UHRF2: variants seen among roughly 807,000 people sequenced by gnomAD.
The protein encoded by UHRF2 is E3 ubiquitin-protein ligase UHRF2.
UHRF2 carries 23 observed loss-of-function variants against 96.8 expected under a neutral mutation model. The ratio of observed to expected loss-of-function variants is 0.24; its 90% CI spans 0.17 to 0.34. The LOEUF is 0.34. Among genes scored for constraint, UHRF2 ranks in the 10% least tolerant of loss-of-function variants. The probability of loss-of-function intolerance (pLI) is 1.00; values close to 1 mark genes in which losing one functional copy is unlikely to be tolerated. For missense variants in UHRF2, 685 were observed against 981.5 expected, an observed-to-expected ratio of 0.70 and a Z score of 4.04; for synonymous variants, 385 against 332.6, an observed-to-expected ratio of 1.16 and a Z score of -1.72.
intron 14 of UHRF2, among the ~76,000 whole-genome samples, chr9:6,501,194 T>A (rs564379571): frequency 6.6e-6 from 1 of 152,268 alleles, no homozygotes; most frequent in Non-Finnish European, 1.5e-5. Context: ...AATTTTAAAG[T>A]AAAAAGGAAT....
intron 1 of UHRF2, 188 bp downstream of exon 1, chr9:6,413,831 T>G: frequency 3.1e-6 from 2 of 650,494 alleles, no homozygotes; most frequent in Non-Finnish European, 4.5e-6. Context: ...AGTGGGTCCC[T>G]GCCAGCCCCA....
At chr9:6,488,110 G>T (rs1824418053) in intron 9 of UHRF2, among the ~76,000 whole-genome samples, 1 of 151,578 alleles carries the variant, frequency 6.6e-6, no homozygotes, top group Non-Finnish European at 1.5e-5. Context: ...GGGTGTGGTG[G>T]CATGTGCCTG....
chr9:6,434,321 C>T, intron 3 of UHRF2, 148 bp downstream of exon 3: 1 of 970,724 alleles, frequency 1.0e-6, no homozygotes, highest in South Asian at 1.9e-5. Flanking sequence ...GGTGGTTGTA[C>T]TCTAATTTAA....
rs1171172143 is a variant in UHRF2 at position 6,428,533 on chromosome 9, CTTTTTTTTTTTTTTTTTTTTTTTTT to C, written c.385-5367_385-5343del. Among the ~76,000 whole-genome samples, 16 of 65,360 alleles carry C rather than the reference CTTTTTTTTTTTTTTTTTTTTTTTTT, an allele frequency of 2.4e-4. 1 individual carries two copies. The highest frequency in any genetic ancestry group is 2.4e-3 in the East Asian group (4 of 1,672). 42.9% of individuals were successfully genotyped at this position (65,360 alleles called of 152,430 possible). A position where few individuals can be genotyped will look rare whatever the true frequency, so the allele number is the denominator to read the frequency against. On this transcript the variant is annotated intron_variant, in intron 2 of 15. Transcript: ENST00000276893. ...TGTAAATGGAACCATATTGCTTTTG[CTTTTTTTTTTTTTTTTTTTTTTTTT>C]TTTTTTTTTTTTTGAACGATCTCAT...
intron 3 of UHRF2, among the ~76,000 whole-genome samples, chr9:6,457,637 A>G (rs1341321818): frequency 5.3e-5 from 8 of 152,220 alleles, no homozygotes; most frequent in Admixed American, 5.2e-4. Context: ...GATATTGGCT[A>G]TGGGTTTGTC....
chr9:6,506,961 G>C lies in UHRF2; in HGVS notation c.*782G>C, dbSNP rs555826371. 2.0e-5 allele frequency: 3 copies of C among 152,710 alleles called. No homozygotes were observed. The South Asian group carries it at 6.2e-4, about 32-fold the overall frequency. 9.5% of individuals were successfully genotyped at this position (152,710 alleles called of 1,614,324 possible). A position where few individuals can be genotyped will look rare whatever the true frequency, so the allele number is the denominator to read the frequency against. ...TTTTGAGGGCTGTGCTGACCTTTGA[G>C]AGGATTTGAAATTGCTTCATATTGT... On this transcript the variant is annotated 3_prime_UTR_variant, in exon 16 of 16. Coordinates refer to ENST00000276893, the MANE Select transcript of UHRF2 (RefSeq NM_152896.3).
chr9:6,487,182 CTTTTTTTT>C (rs1171978950), intron 9 of UHRF2, among the ~76,000 whole-genome samples: 4 of 69,578 alleles, frequency 5.7e-5, no homozygotes, highest in South Asian at 6.7e-4. Flanking sequence ...TTTTTTTTTC[CTTTTTTTT>C]TTTTTTTTTT....
At chr9:6,453,888 G>C (rs1822017175) in intron 3 of UHRF2, among the ~76,000 whole-genome samples, 1 of 152,122 alleles carries the variant, frequency 6.6e-6, no homozygotes, top group Non-Finnish European at 1.5e-5. Context: ...CTGGGCAACA[G>C]AGTAAGACTC....
intron 2 of UHRF2, among the ~76,000 whole-genome samples, chr9:6,427,051 A>G (rs923565445): frequency 3.9e-5 from 6 of 152,146 alleles, no homozygotes; most frequent in Non-Finnish European, 8.8e-5. Context: ...CCTGGCTTGA[A>G]TTAGTTTGTT....
chr9:6,461,403 T>C (rs1563775210), intron 4 of UHRF2, among the ~76,000 whole-genome samples: 2 of 113,714 alleles, frequency 1.8e-5, no homozygotes. Flanking sequence ...CCCCGCCCCT[T>C]GTTCTGTCAC....
At chr9:6,428,533 C>CTATTTTTTTTTT (rs1820383586) in intron 2 of UHRF2, among the ~76,000 whole-genome samples, 1 of 65,358 alleles carries the variant, frequency 1.5e-5, no homozygotes, top group East Asian at 6.0e-4. Context: ...ATTGCTTTTG[C>CTATTTTTTTTTT]TTTTTTTTTT....
chr9:6,424,132 T>TA (rs1820102052), intron 2 of UHRF2, among the ~76,000 whole-genome samples: 1 of 151,916 alleles, frequency 6.6e-6, no homozygotes, highest in African/African-American at 2.4e-5. Context: ...GAGAACAAAA[T>TA]AAAGTGTAAA....
At chr9:6,425,014 A>G (rs1396303514) in intron 2 of UHRF2, among the ~76,000 whole-genome samples, 2 of 152,126 alleles carry the variant, frequency 1.3e-5, no homozygotes, top group Non-Finnish European at 2.9e-5. Context: ...TGTGAACCTT[A>G]ATCATCTGGC....
intron 1 of UHRF2, among the ~76,000 whole-genome samples, chr9:6,417,206 CATT>C (rs1279009745): frequency 6.6e-6 from 1 of 152,176 alleles, no homozygotes; most frequent in African/African-American, 2.4e-5. Context: ...TCCCTTGCAT[CATT>C]GTTGCAGTTC....
intron 8 of UHRF2, 91 bp from the exon 9 acceptor site, chr9:6,486,730 C>A (rs1008367888): frequency 1.6e-6 from 2 of 1,250,296 alleles, no homozygotes; most frequent in Non-Finnish European, 2.2e-6. Context: ...CTTCTTGGGT[C>A]TTTAGGTACC....
chr9:6,444,206 C>T (rs1236549322), intron 3 of UHRF2, among the ~76,000 whole-genome samples: 2 of 152,204 alleles, frequency 1.3e-5, no homozygotes, highest in African/African-American at 4.8e-5. Flanking sequence ...TGTTTAATTT[C>T]AGAACCCTGG....
intron 1 of UHRF2, among the ~76,000 whole-genome samples, chr9:6,416,280 T>C (rs1819594682): frequency 6.6e-6 from 1 of 152,068 alleles, no homozygotes; most frequent in African/African-American, 2.4e-5. Context: ...GACACGATGG[T>C]CTCTATCTAG....
At chr9:6,480,506 T>C (rs898833751) in intron 6 of UHRF2, among the ~76,000 whole-genome samples, 31 of 152,242 alleles carry the variant, frequency 2.0e-4, no homozygotes, top group African/African-American at 7.0e-4. Flanking sequence ...AATATATCTC[T>C]ACATTCGTAT....
chr9:6,431,665 A>T (rs540695574), intron 2 of UHRF2, among the ~76,000 whole-genome samples: 1 of 152,096 alleles, frequency 6.6e-6, no homozygotes, highest in Non-Finnish European at 1.5e-5. Flanking sequence ...GATATGTTCT[A>T]TGTGTTGATG....
Sources: gnomAD v4.1 joint callset for allele counts (sites outside exome capture counted in the v4.1 genomes callset) on GRCh38, gnomAD v4.1.1 for gene constraint, MANE v1.5 for transcripts, NCBI Gene and HGNC (gene_info 2026-07-23, HGNC 2026-07-21) for gene names.